The following AGO2 variants were observed in gnomAD, a reference collection of about 807,000 sequenced individuals.
The protein encoded by AGO2 is argonaute RISC catalytic component 2, also known as protein argonaute-2.
Under a neutral mutation model 102.3 loss-of-function variants are expected in AGO2, and 5 were observed. The observed-to-expected ratio is 0.05, with a 90% CI of 0.03 to 0.10. The LOEUF (loss-of-function observed/expected upper bound fraction) is 0.10. Among genes scored for constraint, AGO2 ranks in the 10% least tolerant of loss-of-function variants. The probability of loss-of-function intolerance (pLI) is 1.00; values close to 1 mark genes in which losing one functional copy is unlikely to be tolerated. For missense variants in AGO2, 541 were observed against 1,183.7 expected (o/e 0.46, Z 7.97); for synonymous variants, 449 against 473.1 (o/e 0.95, Z 0.66).
intron 2 of AGO2, among the ~76,000 whole-genome samples, chr8:140,573,327 A>C (rs1191058618): frequency 6.7e-6 from 1 of 150,058 alleles, no homozygotes; most frequent in African/African-American, 2.5e-5. Context: ...CCGCCACCAC[A>C]CTTGGCTAAT....
At chr8:140,593,617 C>A (rs1398307473) in intron 1 of AGO2, among the ~76,000 whole-genome samples, 8 of 149,954 alleles carry the variant, frequency 5.3e-5, no homozygotes, top group African/African-American at 1.7e-4. Context: ...ATACCTAGTA[C>A]TTTTCTCAAT....
intron 10 of AGO2, among the ~76,000 whole-genome samples, chr8:140,554,891 G>T (rs1043807321): frequency 6.6e-6 from 1 of 151,864 alleles, no homozygotes; most frequent in Non-Finnish European, 1.5e-5. Context: ...AGGGTTTCTG[G>T]TCTCAAACTC....
chr8:140,571,552 T>C (rs2073377995), intron 3 of AGO2, among the ~76,000 whole-genome samples: 1 of 152,124 alleles, frequency 6.6e-6, no homozygotes. Flanking sequence ...TGCAGGCCAC[T>C]TGCTCTCCCA....
intron 2 of AGO2, among the ~76,000 whole-genome samples, chr8:140,579,399 T>C (rs1335901314): frequency 6.6e-6 from 1 of 152,220 alleles, no homozygotes; most frequent in Non-Finnish European, 1.5e-5. Flanking sequence ...CCCACACTTC[T>C]GAGGCGCCCA....
intron 14 of AGO2, among the ~76,000 whole-genome samples, chr8:140,541,834 C>T (rs1432491581): frequency 6.6e-6 from 1 of 150,930 alleles, no homozygotes; most frequent in Non-Finnish European, 1.5e-5. Context: ...ACCCAGGAGG[C>T]GGAGGTTACA....
rs2072600429 is a variant in AGO2 at position 140,531,833 on chromosome 8, T to C, written c.*211A>G. ...ATAGATTTTAGCAAACCATATTTCC[T>C]ATGACATTGGGTTCTCATACAGGTC... is the stretch of plus-strand genomic sequence containing the variant. On this transcript the variant is annotated 3_prime_UTR_variant, in exon 19 of 19. Coordinates refer to ENST00000220592, the MANE Select transcript of AGO2 (RefSeq NM_012154.5). 1 of 510,396 alleles carries C rather than the reference T, an allele frequency of 2.0e-6. No homozygotes were observed. The highest frequency in any genetic ancestry group is 1.9e-5 in the African/African-American group (1 of 52,250). 31.6% of individuals were successfully genotyped at this position (510,396 alleles called of 1,614,324 possible). A position where few individuals can be genotyped will look rare whatever the true frequency, so the allele number is the denominator to read the frequency against.
intron 16 of AGO2, among the ~76,000 whole-genome samples, chr8:140,536,923 C>T (rs745826124): frequency 7.9e-5 from 12 of 152,184 alleles, no homozygotes; most frequent in Non-Finnish European, 1.6e-4. Context: ...TTTTATGGCC[C>T]TCTTTCTTGT....
intron 6 of AGO2, 72 bp downstream of exon 6, chr8:140,559,323 A>G (rs2073157539): frequency 1.3e-6 from 2 of 1,574,542 alleles, no homozygotes; most frequent in Admixed American, 3.6e-5. Flanking sequence ...AGAACTGCAA[A>G]ATGCGGTCCC....
intron 1 of AGO2, among the ~76,000 whole-genome samples, chr8:140,614,015 C>CAA (rs59000809): frequency 0.047 from 2,689 of 57,650 alleles, 218 homozygotes; most frequent in Middle Eastern, 0.071. Context: ...GACCCTGTCT[C>CAA]AAAAAAAAAA....
At chr8:140,558,984 C>T (rs555421714) in intron 6 of AGO2, among the ~76,000 whole-genome samples, 1 of 152,030 alleles carries the variant, frequency 6.6e-6, no homozygotes, top group African/African-American at 2.4e-5. Context: ...AGTCCTAGAC[C>T]CCCCCCAATC....
At chr8:140,591,521 T>C (rs1361717434) in intron 1 of AGO2, among the ~76,000 whole-genome samples, 1 of 152,200 alleles carries the variant, frequency 6.6e-6, no homozygotes, top group Non-Finnish European at 1.5e-5. Flanking sequence ...TAGTGAGCAA[T>C]ACAGCGTGCA....
At chr8:140,594,066 T>C (rs2073785360) in intron 1 of AGO2, among the ~76,000 whole-genome samples, 2 of 152,216 alleles carry the variant, frequency 1.3e-5, no homozygotes, top group African/African-American at 2.4e-5. Context: ...CAACGCACGA[T>C]GCCACTCACC....
chr8:140,531,985 T>C lies in AGO2; in HGVS notation c.*59A>G. On this transcript the variant is annotated 3_prime_UTR_variant, in exon 19 of 19. Coordinates refer to ENST00000220592, the MANE Select transcript of AGO2 (RefSeq NM_012154.5). ...CGGAAGGGCTGGCCATCTGTTGGTC[T>C]GAGTGTAGCTGGTCTCGTGAATCCC... 6.9e-7 allele frequency: 1 copy of C among 1,457,906 alleles called. No individual in the cohort carries two copies. Among genetic ancestry groups the C allele is most frequent in the Non-Finnish European group, 9.6e-7 (1 of 1,041,416 alleles). The allele number at this position is 1,457,906 out of a possible 1,614,324, so 90.3% of individuals were successfully genotyped here.
intron 1 of AGO2, among the ~76,000 whole-genome samples, chr8:140,631,788 G>A (rs1037786936): frequency 3.3e-5 from 5 of 152,120 alleles, no homozygotes; most frequent in South Asian, 2.1e-4. Flanking sequence ...CTTTAGACAC[G>A]CATATTTAAA....
In AGO2 at chr8:140,629,886, A is replaced by AGGAGG. The variant is rs1378036402; in HGVS notation, c.22+5594_22+5598dup. Among the ~76,000 whole-genome samples the AGGAGG allele has an allele frequency of 3.2e-3, 189 of 58,972 alleles. 1 individual carries two copies. The highest frequency in any genetic ancestry group is 0.011 in the African/African-American group (164 of 15,594). The allele number at this position is 58,972 out of a possible 152,430, so 38.7% of individuals were successfully genotyped here. On this transcript the variant is annotated intron_variant, in intron 1 of 18. Transcript: ENST00000220592. ...GGGAGGGGAGGGGAGCAGGGGGAAG[A>AGGAGG]GGAGGGGAGGGGAGGGGAGCGGAGG...
intron 10 of AGO2, among the ~76,000 whole-genome samples, chr8:140,554,752 T>C (rs2073064991): frequency 6.6e-6 from 1 of 152,154 alleles, no homozygotes; most frequent in Admixed American, 6.5e-5. Flanking sequence ...AGTGCAGTGG[T>C]GTGATCTCAG....
At position 140,586,023 on chromosome 8, in the gene AGO2, G is replaced by A. The variant is rs188820718; in HGVS notation, c.23-712C>T. Reference sequence around the variant, plus strand: ...ATGAGAAAACTAACATGCTTTCAAGGTTATTAAACTCACTGAGTTACACCA... The same window carrying A: ...ATGAGAAAACTAACATGCTTTCAAGATTATTAAACTCACTGAGTTACACCA... On this transcript the variant is annotated intron_variant, in intron 1 of 18. Transcript: ENST00000220592. 4.1e-3 allele frequency among the ~76,000 whole-genome samples: 632 copies of A among 152,308 alleles called. 9 individuals carry two copies. Among genetic ancestry groups the A allele is most frequent in the African/African-American group, 0.014 (588 of 41,574 alleles).
chr8:140,541,533 T>TG (rs2072798342), intron 14 of AGO2, 175 bp from the exon 15 acceptor site: 7 of 586,040 alleles, frequency 1.2e-5, no homozygotes, highest in Middle Eastern at 9.0e-4. Context: ...TTTTGGTGTC[T>TG]GGCAATAGTG....
intron 4 of AGO2, among the ~76,000 whole-genome samples, chr8:140,561,464 CA>C (rs2073200996): frequency 6.6e-6 from 1 of 152,242 alleles, no homozygotes; most frequent in African/African-American, 2.4e-5. Context: ...GTCATTTCTG[CA>C]ACTCTATTAA....
Sources: gnomAD v4.1 joint callset for allele counts (sites outside exome capture counted in the v4.1 genomes callset) on GRCh38, gnomAD v4.1.1 for gene constraint, MANE v1.5 for transcripts, NCBI Gene and HGNC (gene_info 2026-07-23, HGNC 2026-07-21) for gene names.